MCM5: variants seen among roughly 807,000 people sequenced by gnomAD.
The protein encoded by MCM5 is minichromosome maintenance complex component 5.
In MCM5, 46 loss-of-function variants were observed where a neutral mutation model predicts 79.9. The observed-to-expected ratio is 0.58, with a 90% CI of 0.45 to 0.74. The LOEUF is 0.74. Among genes scored for constraint, MCM5 ranks in the 30% least tolerant of loss-of-function variants. The probability of loss-of-function intolerance (pLI) is 0.00; values close to 1 mark genes in which losing one functional copy is unlikely to be tolerated. For missense variants in MCM5, 883 were observed against 1,017.0 expected (o/e 0.87, Z 1.79); for synonymous variants, 404 against 390.5 (o/e 1.03, Z -0.41).
the MCM5 span, among the ~76,000 whole-genome samples, chr22:35,448,569 A>T: frequency 6.6e-6 from 1 of 152,230 alleles, no homozygotes; most frequent in Non-Finnish European, 1.5e-5. Flanking sequence ...CCGAGGATGC[A>T]ATGGGGAATG....
At chr22:35,433,604 G>A in the MCM5 span, among the ~76,000 whole-genome samples, 2 of 152,218 alleles carry the variant, frequency 1.3e-5, no homozygotes, top group African/African-American at 4.8e-5. Flanking sequence ...GTTGGTGTAT[G>A]TAAGTCGCTC....
chr22:35,438,908 C>A, the MCM5 span, among the ~76,000 whole-genome samples: 1 of 150,132 alleles, frequency 6.7e-6, no homozygotes, highest in African/African-American at 2.5e-5. Context: ...TCCATCCATC[C>A]ACTCACATAT....
At chr22:35,433,728 C>T in the MCM5 span, among the ~76,000 whole-genome samples, 1 of 152,204 alleles carries the variant, frequency 6.6e-6, no homozygotes, top group Non-Finnish European at 1.5e-5. Context: ...CTGCAGGACC[C>T]AGGGCTGGGC....
the MCM5 span, among the ~76,000 whole-genome samples, chr22:35,447,892 A>G: frequency 1.3e-5 from 2 of 152,158 alleles, no homozygotes; most frequent in African/African-American, 4.8e-5. Context: ...TAGCCCCCTC[A>G]GTCTTCACAG....
chr22:35,420,091 G>A, intron 14 of MCM5, 79 bp downstream of exon 14: 2 of 1,507,870 alleles, frequency 1.3e-6, no homozygotes, highest in African/African-American at 2.8e-5. Flanking sequence ...ACCAGGGGCA[G>A]TGGTCCAGGC....
At chr22:35,413,737 C>A in intron 8 of MCM5, 138 bp from the exon 9 acceptor site, 1 of 637,018 alleles carries the variant, frequency 1.6e-6, no homozygotes, top group Non-Finnish European at 2.9e-6. Context: ...TCTCAGGCCA[C>A]AGCCACTACC....
chr22:35,448,670 G>T, the MCM5 span, among the ~76,000 whole-genome samples: 8 of 152,318 alleles, frequency 5.3e-5, 1 homozygote, highest in Admixed American at 2.0e-4. Flanking sequence ...ACTGAGGGAG[G>T]TGTTAAGTGC....
chr22:35,418,248 T>G (rs937487830), intron 13 of MCM5, among the ~76,000 whole-genome samples: 1 of 152,214 alleles, frequency 6.6e-6, no homozygotes, highest in African/African-American at 2.4e-5. Flanking sequence ...GCTAGGATTT[T>G]TGTAAGGATT....
rs1932114919 is a variant in MCM5, at chr22:35,403,299, A to G, written c.260A>G (p.Tyr87Cys). The G allele has an allele frequency of 2.5e-6, 4 of 1,613,986 alleles. No individual in the cohort carries two copies. The African/African-American group carries it at 4.0e-5, about 16-fold the overall frequency. ...AGCTTTGATGAGGACCTGGCCGACT[A>G]CTTGTACAAGCAGCCAGCCGAGCAC... ...LASFDEDLAD[Y>C]LYKQPAEHLQ... Residue 87 changes from tyrosine to cysteine, a missense_variant, in exon 3 of 17, where the codon TAC becomes TGC. Coordinates refer to ENST00000216122, the MANE Select transcript of MCM5 (RefSeq NM_006739.4).
chr22:35,400,396 C>G, intron 1 of MCM5, 35 bp from the exon 2 acceptor site: 1 of 1,613,106 alleles, frequency 6.2e-7, no homozygotes, highest in Non-Finnish European at 8.5e-7. Flanking sequence ...CAGGCGCTGC[C>G]CCCAGCCTGT....
chr22:35,403,526 G>A lies in MCM5; in HGVS notation c.407G>A (p.Ser136Asn). The change falls in exon 4 of 17, where the codon AGC becomes AAC. Residue 136 changes from serine (S) to asparagine (N), a missense_variant. By Grantham distance (46) the Ser-to-Asn change is conservative. Coordinates refer to ENST00000216122, the MANE Select transcript of MCM5 (RefSeq NM_006739.4). ...CTCAAGTCGGACGCCAGCCCTTCCA[G>A]CATTCGTAGCCTGAAGGTGGGTCGG... ...VMLKSDASPSSIRSLKSDMMS... is the reference protein window; with the variant it reads ...VMLKSDASPSNIRSLKSDMMS... 1 of 1,613,836 alleles carries A rather than the reference G, an allele frequency of 6.2e-7. No individual in the cohort carries two copies. Among genetic ancestry groups the A allele is most frequent in the South Asian group, 1.1e-5 (1 of 91,084 alleles).
intron 14 of MCM5, 86 bp downstream of exon 14, chr22:35,420,098 A>C: frequency 2.7e-6 from 4 of 1,483,522 alleles, no homozygotes; most frequent in Non-Finnish European, 2.7e-6. Context: ...GCAGTGGTCC[A>C]GGCTTTTCAC....
intron 13 of MCM5, among the ~76,000 whole-genome samples, chr22:35,418,477 T>G (rs996834437): frequency 1.3e-5 from 2 of 152,076 alleles, no homozygotes; most frequent in Non-Finnish European, 2.9e-5. Context: ...CTGGCCAACG[T>G]GGCGAAACCC....
At chr22:35,440,389 C>T in the MCM5 span, among the ~76,000 whole-genome samples, 1 of 152,184 alleles carries the variant, frequency 6.6e-6, no homozygotes, top group East Asian at 1.9e-4. Flanking sequence ...GAAATGGGAG[C>T]ATTGAACTGG....
the MCM5 span, among the ~76,000 whole-genome samples, chr22:35,453,817 T>TAGAGAG: frequency 7.9e-3 from 614 of 78,204 alleles, no homozygotes; most frequent in South Asian, 0.011. Context: ...TATATATATA[T>TAGAGAG]ATAGAGAGAG....
In MCM5 at chr22:35,410,863, G is replaced by C; in HGVS notation, c.872G>C (p.Ser291Thr). Residue 291 changes from serine (S) to threonine (T), a missense_variant, in exon 7 of 17, where the codon AGC becomes ACC. Ser to Thr is a moderately conservative substitution (Grantham distance 58). Transcript: ENST00000216122. ...GACAGGGTGGGCGTGGGCATCCGAA[G>C]CTCCTACATCCGTGTCCTGGGCATC... Reference protein sequence around the residue: ...GRDRVGVGIRSSYIRVLGIQV... With the variant: ...GRDRVGVGIRTSYIRVLGIQV... The C allele has an allele frequency of 6.2e-7, 1 of 1,613,356 alleles. No homozygotes were observed. The highest frequency in any genetic ancestry group is 8.5e-7 in the Non-Finnish European group (1 of 1,179,412).
At position 35,406,699 on chromosome 22, in the gene MCM5, C is replaced by T; in HGVS notation, c.570C>T (p.Gly190=). The change falls in exon 5 of 17, where the codon GGC becomes GGT. Residue 190 remains glycine (G), a synonymous_variant. Transcript: ENST00000216122. ...TTGCCATGCGCCCTGGCCTCGAGGG[C>T]TATGCCCTGCCCAGGAAGTGCAACA... is the stretch of plus-strand genomic sequence containing the variant. ...TNIAMRPGLE[G]YALPRKCNTD... 6.2e-7 allele frequency: 1 copy of T among 1,609,360 alleles called. No homozygotes were observed. The highest frequency in any genetic ancestry group is 8.5e-7 in the Non-Finnish European group (1 of 1,180,010).
chr22:35,410,564 G>A (rs1932348829), intron 6 of MCM5, 180 bp from the exon 7 acceptor site: 1 of 633,906 alleles, frequency 1.6e-6, no homozygotes, highest in Admixed American at 2.2e-5. Flanking sequence ...CATGGGCTGA[G>A]TGACGTGGGG....
the MCM5 span, among the ~76,000 whole-genome samples, chr22:35,441,131 G>A: frequency 1.6e-4 from 25 of 152,276 alleles, 1 homozygote; most frequent in South Asian, 2.9e-3. Flanking sequence ...TGGGCCCTGC[G>A]CAGGAATGTG....
Sources: allele counts gnomAD v4.1 joint callset (sites outside exome capture counted in the v4.1 genomes callset), GRCh38; gene constraint gnomAD v4.1.1; transcripts MANE v1.5; gene names NCBI Gene and HGNC (gene_info 2026-07-23, HGNC 2026-07-21).